PUS10: variants seen among roughly 807,000 people sequenced by gnomAD.
The protein encoded by PUS10 is tRNA pseudouridine synthase Pus10.
In PUS10, 59 loss-of-function variants were observed where a neutral mutation model predicts 75.0. The observed-to-expected ratio is 0.79, with a 90% CI of 0.64 to 0.98. The LOEUF (loss-of-function observed/expected upper bound fraction) is 0.98, where lower values mean the gene tolerates loss of function less well. Ranked by LOEUF, PUS10 falls within the 50% of genes least tolerant of loss-of-function variation. The pLI, the probability that PUS10 is intolerant of heterozygous loss-of-function variation, is 0.00. For missense variants in PUS10, 650 were observed against 614.4 expected, an observed-to-expected ratio of 1.06 and a Z score of -0.61; for synonymous variants, 219 against 211.6, an observed-to-expected ratio of 1.03 and a Z score of -0.30.
At chr2:60,979,224 C>T (rs1391984529) in intron 4 of PUS10, among the ~76,000 whole-genome samples, 1 of 152,086 alleles carries the variant, frequency 6.6e-6, no homozygotes, top group Non-Finnish European at 1.5e-5. Flanking sequence ...GGAAACTGGG[C>T]TCAATAAGGA....
At chr2:60,978,159 C>T (rs922774028) in intron 4 of PUS10, among the ~76,000 whole-genome samples, 8 of 151,936 alleles carry the variant, frequency 5.3e-5, no homozygotes, top group African/African-American at 1.7e-4. Context: ...TTGGGGCTCC[C>T]GCCTATAATC....
At chr2:61,011,307 A>T (rs1050869265) in intron 2 of PUS10, among the ~76,000 whole-genome samples, 1 of 152,212 alleles carries the variant, frequency 6.6e-6, no homozygotes, top group African/African-American at 2.4e-5. Context: ...AATAATGATG[A>T]TAAGCATTTA....
At chr2:60,985,661 CAGCT>C (rs1293207044) in intron 4 of PUS10, among the ~76,000 whole-genome samples, 1 of 152,012 alleles carries the variant, frequency 6.6e-6, no homozygotes, top group African/African-American at 2.4e-5. Flanking sequence ...CCACCACAGC[CAGCT>C]AATTTTTGTA....
intron 5 of PUS10, among the ~76,000 whole-genome samples, chr2:60,969,991 C>T (rs1676562381): frequency 6.6e-6 from 1 of 151,958 alleles, no homozygotes; most frequent in Admixed American, 6.6e-5. Context: ...AGTTGGGAGG[C>T]TGAGGCAGGA....
At chr2:60,965,961 TTTTTTG>T (rs985889613) in intron 6 of PUS10, 4 of 151,624 alleles carry the variant, frequency 2.6e-5, no homozygotes, top group African/African-American at 9.8e-5. Context: ...GATCTTAATT[TTTTTTG>T]TTTTATTACA....
At position 61,011,902 on chromosome 2, in the gene PUS10, A is replaced by AT; in HGVS notation, c.-13dup. On this transcript the variant is annotated 5_prime_UTR_variant, in exon 2 of 18. Coordinates refer to ENST00000316752, the MANE Select transcript of PUS10 (RefSeq NM_144709.4). ...GTCAGTGGGAACATATTGAATAATT[A>AT]TAACTAGAAAGAAAAGAAGTAAAAC... is the stretch of plus-strand genomic sequence containing the variant. 1 of 1,589,384 alleles carries AT rather than the reference A, an allele frequency of 6.3e-7. No homozygotes were observed. The highest frequency in any genetic ancestry group is 8.5e-7 in the Non-Finnish European group (1 of 1,172,986).
At chr2:60,953,509 T>C (rs1430513432) in intron 14 of PUS10, among the ~76,000 whole-genome samples, 2 of 152,242 alleles carry the variant, frequency 1.3e-5, no homozygotes, top group African/African-American at 4.8e-5. Flanking sequence ...GCTTGCAGCA[T>C]GTGTCAGGAC....
At chr2:60,999,327 T>C (rs1678689841) in intron 4 of PUS10, among the ~76,000 whole-genome samples, 1 of 152,050 alleles carries the variant, frequency 6.6e-6, no homozygotes, top group Non-Finnish European at 1.5e-5. Context: ...GAATATAAAA[T>C]AACCACTATA....
Position 60,960,409 on chromosome 2 carries a change from G to A in PUS10, c.983C>T (p.Ala328Val). 6.4e-7 allele frequency: 1 copy of A among 1,561,710 alleles called. No homozygotes were observed. The highest frequency in any genetic ancestry group is 8.6e-7 in the Non-Finnish European group (1 of 1,161,826). The change falls in exon 11 of 18, where the codon GCA becomes GTA. Residue 328 changes from alanine (A) to valine (V), a missense_variant. Coordinates refer to ENST00000316752, the MANE Select transcript of PUS10 (RefSeq NM_144709.4). ...VEELISDHLLAVFKAESFNFS... is the reference protein window; with the variant it reads ...VEELISDHLLVVFKAESFNFS... ...ACACTTACTCTCTGCTTTAAATACT[G>A]CCAACAGATGATCTGAAATTAATTC...
intron 4 of PUS10, among the ~76,000 whole-genome samples, chr2:61,001,052 C>T (rs1212869158): frequency 6.6e-6 from 1 of 152,140 alleles, no homozygotes; most frequent in African/African-American, 2.4e-5. Flanking sequence ...TCATTTTCCT[C>T]GACATAAAGG....
intron 4 of PUS10, among the ~76,000 whole-genome samples, chr2:61,005,262 AAAACAAAC>A (rs374994768): frequency 2.0e-5 from 3 of 152,122 alleles, no homozygotes; most frequent in Non-Finnish European, 4.4e-5. Flanking sequence ...ACTCCGTCTC[AAAACAAAC>A]AAACAAACAA....
intron 4 of PUS10, among the ~76,000 whole-genome samples, chr2:60,975,186 G>A (rs1197905156): frequency 3.3e-5 from 5 of 151,988 alleles, no homozygotes; most frequent in Non-Finnish European, 7.4e-5. Context: ...TCACTCTGTC[G>A]CCCAGGCTGG....
intron 4 of PUS10, among the ~76,000 whole-genome samples, chr2:60,987,800 C>G (rs1677815656): frequency 6.6e-6 from 1 of 152,008 alleles, no homozygotes; most frequent in Non-Finnish European, 1.5e-5. Flanking sequence ...GTAATCTCTG[C>G]TGCTCATAAG....
At chr2:60,995,267 C>T (rs1429678172) in intron 4 of PUS10, among the ~76,000 whole-genome samples, 3 of 152,146 alleles carry the variant, frequency 2.0e-5, no homozygotes, top group African/African-American at 7.2e-5. Context: ...CACACTCTGC[C>T]ATGAAGATAT....
chr2:61,004,497 C>T (rs1376516969), intron 4 of PUS10, among the ~76,000 whole-genome samples: 5 of 151,872 alleles, frequency 3.3e-5, no homozygotes, highest in African/African-American at 1.2e-4. Flanking sequence ...GGCATGGTGG[C>T]GGGCACCTGT....
At chr2:60,995,647 C>G (rs1042297133) in intron 4 of PUS10, among the ~76,000 whole-genome samples, 1 of 152,132 alleles carries the variant, frequency 6.6e-6, no homozygotes, top group Non-Finnish European at 1.5e-5. Flanking sequence ...AAGATCTCTA[C>G]AGTTAGAAGG....
chr2:60,944,293 GAAGT>G (rs1674806248), intron 17 of PUS10: 1 of 836,452 alleles, frequency 1.2e-6, no homozygotes, highest in Non-Finnish European at 1.4e-6. Context: ...TGCTGGTAAG[GAAGT>G]AATACTCCAG....
chr2:60,993,358 G>A (rs1252788354), intron 4 of PUS10, among the ~76,000 whole-genome samples: 1 of 152,062 alleles, frequency 6.6e-6, no homozygotes, highest in African/African-American at 2.4e-5. Context: ...TTGACAGGCT[G>A]AGGCAGAAGA....
At chr2:60,988,505 T>C (rs1271954950) in intron 4 of PUS10, among the ~76,000 whole-genome samples, 1 of 152,202 alleles carries the variant, frequency 6.6e-6, no homozygotes, top group East Asian at 1.9e-4. Flanking sequence ...ATTTGCTTAA[T>C]GCAGTAAATA....
Sources: gnomAD v4.1 joint callset for allele counts (sites outside exome capture counted in the v4.1 genomes callset) on GRCh38, gnomAD v4.1.1 for gene constraint, MANE v1.5 for transcripts, NCBI Gene and HGNC (gene_info 2026-07-23, HGNC 2026-07-21) for gene names.